Variants in POPDC1 observed in about 807,000 individuals in gnomAD.
POPDC1 encodes popeye domain-containing protein 1.
At chr6:105,125,687 C>T in the POPDC1 span, 1 of 1,036,514 alleles carries the variant, frequency 9.6e-7, no homozygotes, top group East Asian at 2.4e-5. Context: ...TTGATATATA[C>T]CATCACCCTT....
At chr6:105,128,594 GACTC>G in the POPDC1 span, among the ~76,000 whole-genome samples, 17 of 152,252 alleles carry the variant, frequency 1.1e-4, no homozygotes, top group African/African-American at 1.7e-4. Context: ...AACACAGACT[GACTC>G]ACTATGTTTA....
chr6:105,125,442 GCA>G, the POPDC1 span: 11 of 1,614,078 alleles, frequency 6.8e-6, no homozygotes, highest in Non-Finnish European at 9.3e-6. Context: ...TTTATCCTCT[GCA>G]GCATAAGTTT....
At chr6:105,136,275 G>A in the POPDC1 span, 1 of 152,250 alleles carries the variant, frequency 6.6e-6, no homozygotes, top group Admixed American at 6.5e-5. Context: ...CCAACAACCC[G>A]TTCCCAAAGG....
chr6:105,129,384 T>C, the POPDC1 span: 17 of 1,605,446 alleles, frequency 1.1e-5, no homozygotes, highest in Non-Finnish European at 1.4e-5. Flanking sequence ...ATTACCGGTC[T>C]CTTCTTGTAT....
At chr6:105,125,587 C>T in the POPDC1 span, 1 of 1,613,306 alleles carries the variant, frequency 6.2e-7, no homozygotes, top group Admixed American at 1.7e-5. Context: ...ACCTGAAATG[C>T]AGCAATGACT....
the POPDC1 span, chr6:105,136,349 C>G: frequency 6.6e-6 from 1 of 152,214 alleles, no homozygotes; most frequent in African/African-American, 2.4e-5. Flanking sequence ...GGCGCTCTCC[C>G]GGGGCCCTCT....
the POPDC1 span, among the ~76,000 whole-genome samples, chr6:105,119,619 C>G: frequency 6.6e-6 from 1 of 152,178 alleles, no homozygotes; most frequent in East Asian, 1.9e-4. Context: ...GTGCTAAAGA[C>G]AGTTAGGACT....
At chr6:105,118,064 C>T in the POPDC1 span, among the ~76,000 whole-genome samples, 1 of 152,092 alleles carries the variant, frequency 6.6e-6, no homozygotes, top group Non-Finnish European at 1.5e-5. Flanking sequence ...CGCGAGACCT[C>T]ATCTCAAAAA....
the POPDC1 span, among the ~76,000 whole-genome samples, chr6:105,135,131 A>T: frequency 6.6e-6 from 1 of 152,018 alleles, no homozygotes; most frequent in Non-Finnish European, 1.5e-5. Flanking sequence ...CTACACTCCC[A>T]TTGTCCTGTT....
chr6:105,119,929 G>A, the POPDC1 span, among the ~76,000 whole-genome samples: 12 of 152,180 alleles, frequency 7.9e-5, no homozygotes, highest in East Asian at 3.9e-4. Context: ...ATAATAAGCC[G>A]TACTTAGTTC....
the POPDC1 span, among the ~76,000 whole-genome samples, chr6:105,117,795 T>C: frequency 3.9e-5 from 6 of 152,218 alleles, no homozygotes; most frequent in Non-Finnish European, 8.8e-5. Context: ...AATGCCTGAC[T>C]TCCAACATGG....
At chr6:105,107,299 C>T in the POPDC1 span, among the ~76,000 whole-genome samples, 1 of 152,200 alleles carries the variant, frequency 6.6e-6, no homozygotes, top group East Asian at 1.9e-4. Context: ...ACATGACAAT[C>T]AGTCAAATCT....
chr6:105,127,493 C>T, the POPDC1 span, among the ~76,000 whole-genome samples: 1 of 152,130 alleles, frequency 6.6e-6, no homozygotes, highest in Non-Finnish European at 1.5e-5. Context: ...CGCTCTGTTG[C>T]CTGTGCTGGA....
At chr6:105,133,877 G>A in the POPDC1 span, among the ~76,000 whole-genome samples, 12 of 152,044 alleles carry the variant, frequency 7.9e-5, no homozygotes, top group African/African-American at 2.7e-4. Flanking sequence ...ACATATATAC[G>A]TATAAACACT....
At chr6:105,125,516 A>T in the POPDC1 span, 8 of 1,614,114 alleles carry the variant, frequency 5.0e-6, no homozygotes, top group Non-Finnish European at 6.8e-6. Context: ...ACAAATCTGG[A>T]GGCACACGGA....
the POPDC1 span, among the ~76,000 whole-genome samples, chr6:105,103,427 G>T: frequency 8.2e-4 from 124 of 151,540 alleles, no homozygotes; most frequent in African/African-American, 2.9e-3. Flanking sequence ...GTGGGTTTGT[G>T]TTTCTCAATC....
chr6:105,115,637 G>C, the POPDC1 span: 4 of 1,602,172 alleles, frequency 2.5e-6, no homozygotes, highest in Admixed American at 6.9e-5. Context: ...TCTATGTCCA[G>C]AGATACCCAT....
At chr6:105,111,886 G>A in the POPDC1 span, among the ~76,000 whole-genome samples, 4 of 152,128 alleles carry the variant, frequency 2.6e-5, no homozygotes, top group Admixed American at 2.6e-4. Context: ...TATATTTGTC[G>A]CATTACTGAT....
At chr6:105,119,253 C>T in the POPDC1 span, among the ~76,000 whole-genome samples, 6,003 of 151,656 alleles carry the variant, frequency 0.04, 417 homozygotes, top group African/African-American at 0.14. Flanking sequence ...TCTATTTTCC[C>T]ACCAGGTCAA....
Sources: allele counts gnomAD v4.1 joint callset (sites outside exome capture counted in the v4.1 genomes callset), GRCh38; gene constraint gnomAD v4.1.1; transcripts MANE v1.5; gene names NCBI Gene and HGNC (gene_info 2026-07-23, HGNC 2026-07-21).